The following KCNH1 variants were observed in gnomAD, a reference collection of about 807,000 sequenced individuals.
KCNH1 encodes the protein potassium voltage-gated channel subfamily H member 1, also known as voltage-gated delayed rectifier potassium channel KCNH1.
A neutral mutation model predicts 69.2 loss-of-function variants in KCNH1; 27 were observed. The observed-to-expected ratio is 0.39, with a 90% CI of 0.29 to 0.54. The LOEUF (loss-of-function observed/expected upper bound fraction) is 0.54, where lower values mean the gene tolerates loss of function less well. KCNH1 is among the 20% of genes least tolerant of loss of function. KCNH1 has a pLI of 0.68. For synonymous variants in KCNH1, 456 were observed against 487.7 expected (o/e 0.93, Z 0.86); for missense variants, 798 against 1,261.6 (o/e 0.63, Z 5.57).
chr1:210,906,817 G>A (rs1409621789), intron 7 of KCNH1, among the ~76,000 whole-genome samples: 1 of 152,190 alleles, frequency 6.6e-6, no homozygotes, highest in Non-Finnish European at 1.5e-5. Flanking sequence ...ATGATACAAT[G>A]TGAAGAAGTA....
intron 5 of KCNH1, among the ~76,000 whole-genome samples, chr1:211,025,692 T>C (rs868576001): frequency 6.6e-6 from 1 of 152,044 alleles, no homozygotes; most frequent in Non-Finnish European, 1.5e-5. Context: ...TGACGCACCA[T>C]AATCTAAGCC....
At chr1:211,115,783 C>G (rs1195012366) in intron 1 of KCNH1, among the ~76,000 whole-genome samples, 1 of 149,836 alleles carries the variant, frequency 6.7e-6, no homozygotes, top group Admixed American at 6.7e-5. Flanking sequence ...CTAGAGAACC[C>G]TGACTAATAC....
intron 10 of KCNH1, among the ~76,000 whole-genome samples, chr1:210,725,094 T>C (rs1682556140): frequency 6.6e-6 from 1 of 152,200 alleles, no homozygotes; most frequent in Non-Finnish European, 1.5e-5. Context: ...TGCCATTCAA[T>C]TAACCCTTTC....
intron 10 of KCNH1, among the ~76,000 whole-genome samples, chr1:210,761,438 C>T (rs185124306): frequency 1.5e-3 from 233 of 151,908 alleles, no homozygotes; most frequent in Middle Eastern, 3.4e-3. Context: ...AATTAAAATA[C>T]AGAGAGTGGC....
chr1:211,006,027 T>C (rs1689277175), intron 6 of KCNH1, among the ~76,000 whole-genome samples: 2 of 152,158 alleles, frequency 1.3e-5, no homozygotes, highest in African/African-American at 2.4e-5. Context: ...AAAAAATATA[T>C]ATCAAAACTA....
At chr1:210,833,842 AAAAC>A (rs1229558774) in intron 7 of KCNH1, among the ~76,000 whole-genome samples, 165 of 152,340 alleles carry the variant, frequency 1.1e-3, no homozygotes, top group African/African-American at 3.9e-3. Context: ...TTACAAGAAA[AAAAC>A]AAACAACCCC....
At chr1:210,995,318 T>A (rs1358439509) in intron 6 of KCNH1, among the ~76,000 whole-genome samples, 1 of 152,208 alleles carries the variant, frequency 6.6e-6, no homozygotes, top group Non-Finnish European at 1.5e-5. Flanking sequence ...ATTCTGTGAC[T>A]GCATGAAAGA....
chr1:210,885,858 G>A (rs1296663783), intron 7 of KCNH1, among the ~76,000 whole-genome samples: 2 of 152,188 alleles, frequency 1.3e-5, no homozygotes, highest in African/African-American at 4.8e-5. Flanking sequence ...CTCCTCTCTG[G>A]GCAGACCATG....
chr1:210,784,159 C>T (rs982932436), intron 9 of KCNH1, among the ~76,000 whole-genome samples: 7 of 152,230 alleles, frequency 4.6e-5, no homozygotes, highest in Non-Finnish European at 1.5e-5. Context: ...TGCCTCACCC[C>T]AATGGTGCTG....
intron 7 of KCNH1, chr1:210,859,901 T>C: frequency 1.5e-6 from 2 of 1,291,696 alleles, no homozygotes; most frequent in South Asian, 2.4e-5. Context: ...GTAATAGGTA[T>C]GCATTATAAT....
At chr1:211,059,212 G>A (rs753626124) in intron 5 of KCNH1, among the ~76,000 whole-genome samples, 67 of 151,674 alleles carry the variant, frequency 4.4e-4, no homozygotes, top group Admixed American at 1.5e-3. Flanking sequence ...CCTGGGAGGT[G>A]GAGGTTGCAG....
intron 10 of KCNH1, among the ~76,000 whole-genome samples, chr1:210,724,833 A>G (rs1682551223): frequency 6.6e-6 from 1 of 152,132 alleles, no homozygotes; most frequent in African/African-American, 2.4e-5. Context: ...GCCAATTCCA[A>G]TGAATGCTTC....
rs1341188466 is a variant in KCNH1, at chr1:210,678,811, A to ACTT, written c.*4467_*4469dup. On this transcript the variant is annotated 3_prime_UTR_variant, in exon 11 of 11. Transcript: ENST00000271751. The stretch of plus-strand genomic sequence containing the variant: ...TTATATCCTGATACAAGATCTGTGA[A>ACTT]CTTCTCATTGAACAACTAATGGATC... 6.6e-6 allele frequency: 1 copy of ACTT among 152,230 alleles called. No individual in the cohort carries two copies. The highest frequency in any genetic ancestry group is 1.5e-5 in the Non-Finnish European group (1 of 68,048). 9.4% of individuals were successfully genotyped at this position (152,230 alleles called of 1,614,324 possible). A position where few individuals can be genotyped will look rare whatever the true frequency, so the allele number is the denominator to read the frequency against.
chr1:210,871,811 C>G (rs1373514126), intron 7 of KCNH1, among the ~76,000 whole-genome samples: 4 of 145,538 alleles, frequency 2.7e-5, no homozygotes, highest in Non-Finnish European at 4.5e-5. Context: ...AACAAAAAAC[C>G]AAACACCGCA....
chr1:210,818,008 A>C (rs966695624), intron 7 of KCNH1, among the ~76,000 whole-genome samples: 1 of 152,050 alleles, frequency 6.6e-6, no homozygotes, highest in South Asian at 2.1e-4. Flanking sequence ...ATGGCCATGC[A>C]TTTCTTAGAA....
At chr1:210,921,530 T>C (rs1378191662) in intron 6 of KCNH1, among the ~76,000 whole-genome samples, 1 of 152,238 alleles carries the variant, frequency 6.6e-6, no homozygotes, top group Non-Finnish European at 1.5e-5. Context: ...AGCTTTTTGA[T>C]GAACCTATGC....
At chr1:210,699,508 T>G (rs1431087894) in intron 10 of KCNH1, among the ~76,000 whole-genome samples, 2 of 152,154 alleles carry the variant, frequency 1.3e-5, no homozygotes, top group Non-Finnish European at 2.9e-5. Flanking sequence ...CAGGCCTAGG[T>G]AGGTGGATCC....
At chr1:210,749,018 T>G (rs1457905031) in intron 10 of KCNH1, among the ~76,000 whole-genome samples, 1 of 152,196 alleles carries the variant, frequency 6.6e-6, no homozygotes, top group Non-Finnish European at 1.5e-5. Context: ...CCTCTTGCCT[T>G]CCTGTACTGC....
chr1:210,776,859 A>C (rs1212737026), intron 9 of KCNH1, among the ~76,000 whole-genome samples: 1 of 152,218 alleles, frequency 6.6e-6, no homozygotes, highest in Non-Finnish European at 1.5e-5. Flanking sequence ...TTTGCCAGCA[A>C]GCAACATTTT....
Sources: allele counts gnomAD v4.1 joint callset (sites outside exome capture counted in the v4.1 genomes callset), GRCh38; gene constraint gnomAD v4.1.1; transcripts MANE v1.5; gene names NCBI Gene and HGNC (gene_info 2026-07-23, HGNC 2026-07-21).